NRG1: variants seen among roughly 807,000 people sequenced by gnomAD.
NRG1 encodes the protein neuregulin 1.
Under a neutral mutation model 63.8 loss-of-function variants are expected in NRG1, and 18 were observed. That is an observed-to-expected ratio of 0.28 (90% CI 0.19 to 0.42). The LOEUF (loss-of-function observed/expected upper bound fraction) is 0.42. Ranked by LOEUF, NRG1 falls within the 10% of genes least tolerant of loss-of-function variation. NRG1 has a pLI of 1.00. For synonymous variants in NRG1, 302 were observed against 301.3 expected (o/e 1.00, Z -0.02); for missense variants, 762 against 814.7 (o/e 0.94, Z 0.79).
At chr8:31,672,761 GA>G (rs1411779611) in intron 1 of NRG1, among the ~76,000 whole-genome samples, 2 of 152,034 alleles carry the variant, frequency 1.3e-5, no homozygotes, top group Admixed American at 1.3e-4. Flanking sequence ...TAACTATTAT[GA>G]TGACTCATTT....
intron 1 of NRG1, among the ~76,000 whole-genome samples, chr8:31,914,295 CTTT>C (rs34010920): frequency 1.4e-5 from 2 of 148,044 alleles, no homozygotes; most frequent in Non-Finnish European, 1.5e-5. Flanking sequence ...TTATGTCACC[CTTT>C]TTTTTTTTTG....
chr8:32,670,793 G>C (rs10093683), intron 5 of NRG1, among the ~76,000 whole-genome samples: 17,282 of 152,170 alleles, frequency 0.11, 989 homozygotes, highest in Middle Eastern at 0.18. Flanking sequence ...AGAGAGGTTC[G>C]TTGGTTTGCT....
chr8:31,855,331 T>C (rs1286359661), intron 1 of NRG1, among the ~76,000 whole-genome samples: 4 of 152,222 alleles, frequency 2.6e-5, no homozygotes, highest in Non-Finnish European at 5.9e-5. Context: ...GATAGTTAGC[T>C]CTTCTTGTTG....
intron 1 of NRG1, among the ~76,000 whole-genome samples, chr8:31,975,821 A>G (rs929182553): frequency 5.9e-5 from 9 of 152,230 alleles, no homozygotes; most frequent in African/African-American, 1.9e-4. Flanking sequence ...TTGACACTTT[A>G]CATGGAGAAA....
intron 1 of NRG1, among the ~76,000 whole-genome samples, chr8:32,307,551 C>T (rs1298719068): frequency 6.6e-6 from 1 of 151,642 alleles, no homozygotes; most frequent in Non-Finnish European, 1.5e-5. Flanking sequence ...GGAATCATTT[C>T]CCACCCTGTG....
chr8:32,492,760 ACTCTCACAG>A (rs1163147410), intron 1 of NRG1, among the ~76,000 whole-genome samples: 4 of 151,720 alleles, frequency 2.6e-5, no homozygotes, highest in African/African-American at 4.8e-5. Flanking sequence ...TATTCTTTGT[ACTCTCACAG>A]TCCTAGTTTC....
At chr8:32,117,142 A>G (rs1389867109) in intron 1 of NRG1, among the ~76,000 whole-genome samples, 1 of 152,136 alleles carries the variant, frequency 6.6e-6, no homozygotes, top group Non-Finnish European at 1.5e-5. Flanking sequence ...ACACTGTCTC[A>G]AAAGACACAC....
intron 1 of NRG1, among the ~76,000 whole-genome samples, chr8:31,782,810 G>A (rs969690493): frequency 1.3e-5 from 2 of 152,098 alleles, no homozygotes; most frequent in African/African-American, 2.4e-5. Flanking sequence ...TTGGGGTCTC[G>A]GGTTCTGTGT....
At position 32,734,834 on chromosome 8, in the gene NRG1, T is replaced by C. The variant is rs531750010; in HGVS notation, c.632+6756T>C. 9.2e-5 allele frequency among the ~76,000 whole-genome samples: 14 copies of C among 152,294 alleles called. 1 individual carries two copies. In the South Asian group the frequency reaches 2.9e-3, roughly 32 times the overall value. On this transcript the variant is annotated intron_variant, in intron 6 of 11. Coordinates refer to ENST00000356819, the Ensembl canonical transcript of NRG1. Reference sequence around the variant, plus strand: ...GTTCTGAATAGCTTCATTCCTCACTTATAAAAATCAGTTGAGCAGCCATGT... The same window carrying C: ...GTTCTGAATAGCTTCATTCCTCACTCATAAAAATCAGTTGAGCAGCCATGT...
chr8:31,967,519 C>T (rs936972304), intron 1 of NRG1, among the ~76,000 whole-genome samples: 1 of 152,158 alleles, frequency 6.6e-6, no homozygotes, highest in Non-Finnish European at 1.5e-5. Context: ...TAGGTCAAAA[C>T]CTGGCAACAA....
intron 1 of NRG1, among the ~76,000 whole-genome samples, chr8:31,741,513 G>A (rs936698132): frequency 2.0e-5 from 3 of 151,748 alleles, no homozygotes; most frequent in African/African-American, 7.3e-5. Context: ...AATACATAAG[G>A]AACATCTAAA....
At position 32,689,450 on chromosome 8, in the gene NRG1, C is replaced by T. The variant is rs528167666; in HGVS notation, c.503-38499C>T. On this transcript the variant is annotated intron_variant, in intron 5 of 11. Transcript: ENST00000356819. ...ACTTGGATTGAGGCAACTTAATAAA[C>T]GGCTGTTTGTTGTTGTTTCTGTTCT... Among the ~76,000 whole-genome samples, 14 of 152,116 alleles carry T rather than the reference C, an allele frequency of 9.2e-5. No homozygotes were observed. In the South Asian group the frequency reaches 2.3e-3, roughly 25 times the overall value.
intron 5 of NRG1, among the ~76,000 whole-genome samples, chr8:32,706,799 A>C (rs1222004095): frequency 6.6e-6 from 1 of 152,116 alleles, no homozygotes; most frequent in Non-Finnish European, 1.5e-5. Flanking sequence ...ATATTTCACC[A>C]AATATTAGCC....
chr8:32,406,815 G>C (rs1814056434), intron 1 of NRG1, among the ~76,000 whole-genome samples: 1 of 151,996 alleles, frequency 6.6e-6, no homozygotes, highest in South Asian at 2.1e-4. Context: ...AGTATATCTT[G>C]ACTGTGAAAT....
At chr8:31,749,296 C>T (rs1248402819) in intron 1 of NRG1, among the ~76,000 whole-genome samples, 2 of 151,760 alleles carry the variant, frequency 1.3e-5, no homozygotes, top group Non-Finnish European at 2.9e-5. Flanking sequence ...GTTTTACAAT[C>T]TAGAAAAAAT....
At chr8:31,981,559 T>C (rs1213046721) in intron 1 of NRG1, among the ~76,000 whole-genome samples, 2 of 152,098 alleles carry the variant, frequency 1.3e-5, no homozygotes, top group South Asian at 4.1e-4. Flanking sequence ...TTTAGTGTCA[T>C]AGGGATTCCA....
intron 1 of NRG1, among the ~76,000 whole-genome samples, chr8:31,885,782 G>A (rs1274834545): frequency 6.6e-6 from 1 of 152,074 alleles, no homozygotes; most frequent in Non-Finnish European, 1.5e-5. Flanking sequence ...AGTTGTGTTT[G>A]CAGTGTATTA....
At chr8:32,579,353 GAGCGTAAC>G (rs1188028515) in intron 1 of NRG1, among the ~76,000 whole-genome samples, 2 of 152,126 alleles carry the variant, frequency 1.3e-5, no homozygotes, top group African/African-American at 4.8e-5. Context: ...GCTCACTTTA[GAGCGTAAC>G]AGCACTGGGA....
intron 5 of NRG1, among the ~76,000 whole-genome samples, chr8:32,638,388 A>C (rs1196116038): frequency 1.3e-5 from 2 of 152,222 alleles, no homozygotes; most frequent in Admixed American, 6.5e-5. Flanking sequence ...AAAAAAATTT[A>C]AATCTAATTA....
Sources: allele counts gnomAD v4.1 joint callset (sites outside exome capture counted in the v4.1 genomes callset), GRCh38; gene constraint gnomAD v4.1.1; transcripts MANE v1.5; gene names NCBI Gene and HGNC (gene_info 2026-07-23, HGNC 2026-07-21).